The following ERBIN variants were observed in gnomAD, a reference collection of about 807,000 sequenced individuals.
ERBIN encodes erbb2 interacting protein, also known as densin-180-like protein.
Under a neutral mutation model 158.4 loss-of-function variants are expected in ERBIN, and 60 were observed. That is an observed-to-expected ratio of 0.38 (90% CI 0.31 to 0.47). The LOEUF is 0.47. Among genes scored for constraint, ERBIN ranks in the 20% least tolerant of loss-of-function variants. The probability of loss-of-function intolerance (pLI) is 0.99; values close to 1 mark genes in which losing one functional copy is unlikely to be tolerated. For synonymous variants in ERBIN, 594 were observed against 557.2 expected (o/e 1.07, Z -0.93); for missense variants, 1,610 against 1,648.0 (o/e 0.98, Z 0.40).
intron 4 of ERBIN, among the ~76,000 whole-genome samples, chr5:66,000,424 A>G (rs1319320316): frequency 1.3e-5 from 2 of 152,166 alleles, no homozygotes; most frequent in Non-Finnish European, 2.9e-5. Context: ...ATTAGACTGC[A>G]GAGTAGCTCT....
chr5:66,062,279 C>T (rs1202910129), intron 21 of ERBIN, among the ~76,000 whole-genome samples: 1 of 152,198 alleles, frequency 6.6e-6, no homozygotes, highest in African/African-American at 2.4e-5. Flanking sequence ...CTTCACGCTT[C>T]ATTTCATTCA....
intron 14 of ERBIN, among the ~76,000 whole-genome samples, chr5:66,030,158 C>T (rs777344958): frequency 5.3e-5 from 8 of 152,172 alleles, no homozygotes; most frequent in Admixed American, 1.3e-4. Flanking sequence ...CCTGCCTCAG[C>T]CTCCTGAGTA....
At chr5:65,979,473 A>G (rs1750408491) in intron 1 of ERBIN, among the ~76,000 whole-genome samples, 2 of 152,312 alleles carry the variant, frequency 1.3e-5, no homozygotes, top group South Asian at 2.1e-4. Flanking sequence ...ATTTCTGACT[A>G]TTACCTTACA....
intron 1 of ERBIN, among the ~76,000 whole-genome samples, chr5:65,933,864 G>A (rs1743749234): frequency 6.6e-6 from 1 of 151,986 alleles, no homozygotes; most frequent in Non-Finnish European, 1.5e-5. Context: ...TGAACCATTT[G>A]ACTAAGTTGC....
At chr5:66,066,510 C>T (rs1761003971) in intron 21 of ERBIN, among the ~76,000 whole-genome samples, 1 of 147,476 alleles carries the variant, frequency 6.8e-6, no homozygotes, top group African/African-American at 2.6e-5. Flanking sequence ...CTTAACCTCC[C>T]ACTGCCAAAA....
intron 1 of ERBIN, among the ~76,000 whole-genome samples, chr5:65,964,908 T>TGTGTGTG (rs1748367664): frequency 1.5e-4 from 16 of 107,256 alleles, no homozygotes; most frequent in African/African-American, 4.7e-4. Flanking sequence ...CCTGGCTGAT[T>TGTGTGTG]TGTGTGTGTG....
At chr5:65,945,134 T>A (rs1174642672) in intron 1 of ERBIN, among the ~76,000 whole-genome samples, 2 of 152,134 alleles carry the variant, frequency 1.3e-5, no homozygotes, top group African/African-American at 2.4e-5. Flanking sequence ...AATCGTGGAG[T>A]CATTTATTTC....
chr5:66,057,333 A>G (rs1484049815), intron 21 of ERBIN, among the ~76,000 whole-genome samples: 1 of 152,186 alleles, frequency 6.6e-6, no homozygotes, highest in Non-Finnish European at 1.5e-5. Flanking sequence ...CCTGACACAT[A>G]TAACTAACTG....
chr5:65,932,264 G>T (rs1484205289), intron 1 of ERBIN, among the ~76,000 whole-genome samples: 2 of 151,424 alleles, frequency 1.3e-5, no homozygotes, highest in Non-Finnish European at 2.9e-5. Flanking sequence ...GCCTGAACTC[G>T]GGAGGTGGAG....
intron 21 of ERBIN, among the ~76,000 whole-genome samples, chr5:66,067,987 T>C (rs1162141308): frequency 6.6e-6 from 1 of 152,074 alleles, no homozygotes; most frequent in African/African-American, 2.4e-5. Flanking sequence ...TAAATTCGCG[T>C]ATGTTAAAAC....
intron 25 of ERBIN, among the ~76,000 whole-genome samples, chr5:66,077,792 AC>A (rs35177846): frequency 0.039 from 5,321 of 135,134 alleles, 309 homozygotes; most frequent in African/African-American, 0.14. Flanking sequence ...ACACACACAC[AC>A]ATACACACAC....
intron 14 of ERBIN, among the ~76,000 whole-genome samples, chr5:66,035,545 G>C (rs1026306503): frequency 2.6e-5 from 4 of 152,100 alleles, no homozygotes. Context: ...ACTGTTCACT[G>C]TCATCTTTCA....
At chr5:66,069,043 T>C in intron 21 of ERBIN, 1 of 1,459,082 alleles carries the variant, frequency 6.9e-7, no homozygotes, top group South Asian at 1.4e-5. Flanking sequence ...ACTAGACCAA[T>C]ACTTTTAGCT....
chr5:66,045,642 A>G (rs1758360541), intron 17 of ERBIN, among the ~76,000 whole-genome samples: 1 of 152,210 alleles, frequency 6.6e-6, no homozygotes, highest in Non-Finnish European at 1.5e-5. Context: ...TTTTGTTCTC[A>G]GCTACCTGAA....
At chr5:66,018,922 A>C (rs1755376370) in intron 7 of ERBIN, among the ~76,000 whole-genome samples, 1 of 151,896 alleles carries the variant, frequency 6.6e-6, no homozygotes, top group Admixed American at 6.6e-5. Context: ...GGCGTGAGCC[A>C]GTGCACCTGG....
chr5:65,959,165 C>G (rs1358055483), intron 1 of ERBIN, among the ~76,000 whole-genome samples: 1 of 152,108 alleles, frequency 6.6e-6, no homozygotes, highest in Non-Finnish European at 1.5e-5. Flanking sequence ...CTATATAATG[C>G]TAGCTAACAC....
rs375008154 is a variant in ERBIN, at chr5:65,980,392, C to T, written c.-57-8243C>T. Among the ~76,000 whole-genome samples, 13 of 152,162 alleles carry T rather than the reference C, an allele frequency of 8.5e-5. No homozygotes were observed. The East Asian group carries it at 1.5e-3, about 18-fold the overall frequency. On this transcript the variant is annotated intron_variant, in intron 1 of 25. Coordinates refer to ENST00000284037, the MANE Select transcript of ERBIN (RefSeq NM_001253697.2). ...GCAGTGAGCCGAGATCATGCCACTGCACTCCAGCCTGGATAACAAAGCAAG... is the reference window on the plus strand; with the variant it reads ...GCAGTGAGCCGAGATCATGCCACTGTACTCCAGCCTGGATAACAAAGCAAG...
chr5:66,042,612 G>A (rs560190483), intron 15 of ERBIN, among the ~76,000 whole-genome samples: 1 of 152,044 alleles, frequency 6.6e-6, no homozygotes, highest in African/African-American at 2.4e-5. Context: ...CTATATATCT[G>A]ATAGAATATA....
At chr5:65,950,627 C>G (rs1746383954) in intron 1 of ERBIN, among the ~76,000 whole-genome samples, 1 of 152,072 alleles carries the variant, frequency 6.6e-6, no homozygotes, top group Admixed American at 6.5e-5. Context: ...TGTTAGAAGC[C>G]CAGCTCACCC....
Sources: allele counts gnomAD v4.1 joint callset (sites outside exome capture counted in the v4.1 genomes callset), GRCh38; gene constraint gnomAD v4.1.1; transcripts MANE v1.5; gene names NCBI Gene and HGNC (gene_info 2026-07-23, HGNC 2026-07-21).